SP110: variants seen among roughly 807,000 people sequenced by gnomAD.
SP110 encodes the protein interferon-induced protein 41, 30kD.
In SP110, 62 loss-of-function variants were observed where a neutral mutation model predicts 92.7. The ratio of observed to expected loss-of-function variants is 0.67; its 90% CI spans 0.55 to 0.83. The LOEUF is 0.83. Among genes scored for constraint, SP110 ranks in the 40% least tolerant of loss-of-function variants. The probability of loss-of-function intolerance (pLI) is 0.00; values close to 1 mark genes in which losing one functional copy is unlikely to be tolerated. For synonymous variants in SP110, 273 were observed against 305.3 expected, an observed-to-expected ratio of 0.89 and a Z score of 1.10; for missense variants, 793 against 863.9, an observed-to-expected ratio of 0.92 and a Z score of 1.03.
At chr2:230,220,659 GC>G (rs1197914006), upstream of SP110, among the ~76,000 whole-genome samples, 2 of 152,066 alleles carry the variant, frequency 1.3e-5, no homozygotes, top group African/African-American at 4.8e-5. Flanking sequence ...CCCTTCTCAT[GC>G]CCCTTTTAAA....
At chr2:230,184,781 A>G (rs879204977) in intron 11 of SP110, among the ~76,000 whole-genome samples, 1 of 152,214 alleles carries the variant, frequency 6.6e-6, no homozygotes, top group East Asian at 1.9e-4. Flanking sequence ...CCAATGTCAA[A>G]TTTATTTAAA....
chr2:230,216,426 C>T (rs1356039614), intron 2 of SP110, among the ~76,000 whole-genome samples: 1 of 152,166 alleles, frequency 6.6e-6, no homozygotes, highest in Non-Finnish European at 1.5e-5. Flanking sequence ...CCAACAGCTA[C>T]CAGAAGCTAG....
rs1005666794 is a variant in SP110 at position 230,204,605 on chromosome 2, AT to A, written c.899-1878del. Among the ~76,000 whole-genome samples, 214 of 150,290 alleles carry A rather than the reference AT, an allele frequency of 1.4e-3. 2 individuals are homozygous for A. Among genetic ancestry groups the A allele is most frequent in the African/African-American group, 4.5e-3 (184 of 40,922 alleles). On this transcript the variant is annotated intron_variant, in intron 8 of 18. Transcript: ENST00000258381. ...GGTTACAGAAAGTATGGTTTCTTTC[AT>A]TTTTTTTTCATTAAAAAAAAATTAA... is the stretch of plus-strand genomic sequence containing the variant.
chr2:230,176,817 C>T, intron 14 of SP110: 1 of 1,265,212 alleles, frequency 7.9e-7, no homozygotes, highest in South Asian at 1.2e-5. Context: ...ATGTCTGTAC[C>T]CAGACATCAC....
Position 230,200,419 on chromosome 2 carries a change from A to G in SP110, c.1129+466T>C, listed in dbSNP as rs1405236362. The G allele has an allele frequency of 2.7e-5, 5 of 188,400 alleles. No homozygotes were observed. The Admixed American group carries it at 2.7e-4, about 10-fold the overall frequency. 11.7% of individuals were successfully genotyped at this position (188,400 alleles called of 1,614,324 possible). On this transcript the variant is annotated intron_variant, in intron 10 of 18. Transcript: ENST00000258381. ...TGTACATGCTCAGTCATAGTGTCAC[A>G]TGTGTGTTTTAATGAGTTTTTCGCT...
intron 11 of SP110, among the ~76,000 whole-genome samples, chr2:230,184,999 G>A (rs2042290655): frequency 6.6e-6 from 1 of 152,210 alleles, no homozygotes; most frequent in Non-Finnish European, 1.5e-5. Flanking sequence ...CGCTACAAAG[G>A]CAGAGTCGAG....
chr2:230,170,383 CAG>C (rs1254318476), intron 18 of SP110, among the ~76,000 whole-genome samples: 1 of 151,934 alleles, frequency 6.6e-6, no homozygotes. Flanking sequence ...GATCTGGGAA[CAG>C]AGCATGGTTT....
Position 230,208,014 on chromosome 2 carries a change from T to C in SP110, c.875A>G (p.His292Arg), listed in dbSNP as rs1279477032. The change falls in exon 8 of 19, where the codon CAT (histidine) becomes CGT (arginine). Residue 292 changes from histidine to arginine, a missense_variant. By Grantham distance (29) the His-to-Arg change is conservative (BLOSUM62 0). Coordinates refer to ENST00000258381, the MANE Select transcript of SP110 (RefSeq NM_080424.4). ...ACCTCCTGGGAGGCTTTTTTTCTTA[T>C]GTCTCCTTTTTGGAGTTGACCAGAT... ...RCIWSTPKRRHKKKSLPGGTA... is the reference protein window; with the variant it reads ...RCIWSTPKRRRKKKSLPGGTA... The C allele has an allele frequency of 6.4e-7, 1 of 1,566,096 alleles. No homozygotes were observed. The highest frequency in any genetic ancestry group is 8.8e-7 in the Non-Finnish European group (1 of 1,138,718).
rs1574621087 is a variant in SP110 at position 230,183,726 on chromosome 2, G to A, written c.1280-86C>T. ...TAACAATCTTCAAGCATTTTTTCCT[G>A]TTTTTCTACCAGTTTGGAGAGACAA... On this transcript the variant is annotated intron_variant, in intron 11 of 18. Coordinates refer to ENST00000258381, the MANE Select transcript of SP110 (RefSeq NM_080424.4). The A allele has an allele frequency of 8.7e-6, 8 of 919,800 alleles. No individual in the cohort carries two copies. The East Asian group carries it at 1.9e-4, about 22-fold the overall frequency. The allele number at this position is 919,800 out of a possible 1,614,324, so 57.0% of individuals were successfully genotyped here. A position where few individuals can be genotyped will look rare whatever the true frequency, so the allele number is the denominator to read the frequency against.
chr2:230,182,546 G>A (rs1404832055), intron 12 of SP110, among the ~76,000 whole-genome samples: 3 of 152,060 alleles, frequency 2.0e-5, no homozygotes. Context: ...GGTTGGGTGG[G>A]TGAGCTGGGA....
At chr2:230,224,578 A>G (rs1275930546), upstream of SP110, among the ~76,000 whole-genome samples, 3 of 152,112 alleles carry the variant, frequency 2.0e-5, no homozygotes, top group Non-Finnish European at 4.4e-5. Context: ...TCAGTGTTCT[A>G]GAGTTTGTCT....
upstream of SP110, among the ~76,000 whole-genome samples, chr2:230,224,640 G>A (rs186566320): frequency 6.6e-6 from 1 of 152,316 alleles, no homozygotes; most frequent in Non-Finnish European, 1.5e-5. Flanking sequence ...AAGTGTGGAA[G>A]GGGTAGAAAT....
At position 230,215,100 on chromosome 2, in the gene SP110, T is replaced by C. The variant is rs2044957822; in HGVS notation, c.166A>G (p.Arg56Gly). ...ACTCTGGATACAGGGATCAAATTTC[T>C]ACAGGCTTCCAGAGATTCCTATAAA... is the stretch of plus-strand genomic sequence containing the variant. ...RMYMESLEACRNLIPVSRVVH... is the reference protein window; with the variant it reads ...RMYMESLEACGNLIPVSRVVH... Residue 56 changes from arginine (R) to glycine (G), a missense_variant, in exon 3 of 19, where the codon AGA becomes GGA. Transcript: ENST00000258381. 6.2e-7 allele frequency: 1 copy of C among 1,613,694 alleles called. No homozygotes were observed. Among genetic ancestry groups the C allele is most frequent in the Admixed American group, 1.7e-5 (1 of 60,000 alleles).
chr2:230,175,363 T>C (rs1195659465), intron 14 of SP110, among the ~76,000 whole-genome samples: 1 of 149,360 alleles, frequency 6.7e-6, no homozygotes, highest in African/African-American at 2.4e-5. Flanking sequence ...ATATCAAAGG[T>C]CTAATATTCT....
chr2:230,212,574 C>T, intron 4 of SP110, 144 bp from the exon 5 acceptor site: 1 of 1,055,664 alleles, frequency 9.5e-7, no homozygotes, highest in South Asian at 1.3e-5. Context: ...AGCAGGTGTT[C>T]TGGACTCTAG....
upstream of SP110, among the ~76,000 whole-genome samples, chr2:230,224,689 T>A (rs2046122181): frequency 6.6e-6 from 1 of 152,174 alleles, no homozygotes; most frequent in Non-Finnish European, 1.5e-5. Flanking sequence ...TGTATGCAAA[T>A]TTCCTTGCAT....
chr2:230,171,021 G>A, intron 17 of SP110: 1 of 555,190 alleles, frequency 1.8e-6, no homozygotes, highest in South Asian at 2.1e-5. Flanking sequence ...GAGAGGTCAA[G>A]GAACCTACCC....
chr2:230,213,453 G>T (rs1235351404), intron 3 of SP110, among the ~76,000 whole-genome samples: 7 of 152,150 alleles, frequency 4.6e-5, no homozygotes, highest in Non-Finnish European at 7.4e-5. Flanking sequence ...CCTTAGCAGG[G>T]TGTATTAGGA....
At chr2:230,183,524 A>G (rs200815279) in intron 12 of SP110, 48 bp downstream of exon 12, 14 of 1,234,874 alleles carry the variant, frequency 1.1e-5, no homozygotes, top group Non-Finnish European at 1.7e-5. Context: ...AGCAGAGGCC[A>G]GGGCTCTGGG....
Sources: allele counts gnomAD v4.1 joint callset (sites outside exome capture counted in the v4.1 genomes callset), GRCh38; gene constraint gnomAD v4.1.1; transcripts MANE v1.5; gene names NCBI Gene and HGNC (gene_info 2026-07-23, HGNC 2026-07-21).